The following GRID2 variants were observed in gnomAD, a reference collection of about 807,000 sequenced individuals.
GRID2 encodes glutamate ionotropic receptor delta type subunit 2.
A neutral mutation model predicts 114.8 loss-of-function variants in GRID2; 33 were observed. That is an observed-to-expected ratio of 0.29 (90% CI 0.22 to 0.38). The LOEUF is 0.38. Ranked by LOEUF, GRID2 falls within the 10% of genes least tolerant of loss-of-function variation. GRID2 has a pLI of 1.00. For missense variants in GRID2, 1,184 were observed against 1,257.7 expected (o/e 0.94, Z 0.89); for synonymous variants, 505 against 449.9 (o/e 1.12, Z -1.55).
At chr4:93,296,819 A>G (rs1028039930) in intron 8 of GRID2, among the ~76,000 whole-genome samples, 5 of 152,328 alleles carry the variant, frequency 3.3e-5, no homozygotes, top group African/African-American at 1.2e-4. Context: ...TTTGTCTACA[A>G]GGGTAAGTCG....
At chr4:92,581,898 C>T (rs1046325691) in intron 1 of GRID2, among the ~76,000 whole-genome samples, 1 of 152,022 alleles carries the variant, frequency 6.6e-6, no homozygotes, top group African/African-American at 2.4e-5. Flanking sequence ...TCCACTCATA[C>T]CTTTCTACAC....
At chr4:93,006,133 A>G (rs1721497922) in intron 2 of GRID2, among the ~76,000 whole-genome samples, 1 of 152,058 alleles carries the variant, frequency 6.6e-6, no homozygotes, top group South Asian at 2.1e-4. Flanking sequence ...CATCTCTAAA[A>G]ACCATGTAGA....
intron 14 of GRID2, among the ~76,000 whole-genome samples, chr4:93,720,339 A>C (rs182011288): frequency 6.6e-6 from 1 of 152,298 alleles, no homozygotes; most frequent in Admixed American, 6.5e-5. Context: ...TGGTCCAGAA[A>C]CCTTATATTA....
At chr4:93,705,690 C>A (rs564084427) in intron 14 of GRID2, among the ~76,000 whole-genome samples, 1 of 152,202 alleles carries the variant, frequency 6.6e-6, no homozygotes, top group Non-Finnish European at 1.5e-5. Context: ...TAACTTGATG[C>A]AATCCCTTTT....
At chr4:93,070,143 TAA>T (rs923080240) in intron 2 of GRID2, among the ~76,000 whole-genome samples, 31 of 152,156 alleles carry the variant, frequency 2.0e-4, no homozygotes, top group African/African-American at 7.0e-4. Context: ...ATACTACTTA[TAA>T]AAACATATCA....
chr4:92,898,435 A>T (rs1166194679), intron 2 of GRID2, among the ~76,000 whole-genome samples: 1 of 152,178 alleles, frequency 6.6e-6, no homozygotes, highest in Non-Finnish European at 1.5e-5. Flanking sequence ...TCTAATGGTA[A>T]TAGAAGATAT....
At chr4:93,138,181 C>T (rs1190091307) in intron 4 of GRID2, among the ~76,000 whole-genome samples, 1 of 151,630 alleles carries the variant, frequency 6.6e-6, no homozygotes, top group Non-Finnish European at 1.5e-5. Context: ...TACCATGTTG[C>T]CCAGGCTGGT....
exon 2 of GRID2, chr4:93,806,992 C>T (rs1366473352): frequency 6.6e-6 from 1 of 152,248 alleles, no homozygotes; most frequent in Admixed American, 6.5e-5. Context: ...AAACTCCTAT[C>T]CAGTTCAAGG....
chr4:92,973,253 G>A (rs185881296), intron 2 of GRID2, among the ~76,000 whole-genome samples: 1 of 152,184 alleles, frequency 6.6e-6, no homozygotes, highest in African/African-American at 2.4e-5. Context: ...CTTGGAAAGA[G>A]GGAGACACTC....
chr4:92,699,701 CTAAG>C (rs1560539570), intron 2 of GRID2, among the ~76,000 whole-genome samples: 1 of 152,114 alleles, frequency 6.6e-6, no homozygotes, highest in Non-Finnish European at 1.5e-5. Flanking sequence ...GCATGCATGG[CTAAG>C]AAACCTCTAC....
chr4:92,718,349 T>G (rs943141446), intron 2 of GRID2, among the ~76,000 whole-genome samples: 1 of 152,122 alleles, frequency 6.6e-6, no homozygotes, highest in Non-Finnish European at 1.5e-5. Flanking sequence ...GTTTTGCCAG[T>G]AAAAGGGTAA....
At chr4:93,698,176 CA>C (rs1727210295) in intron 14 of GRID2, among the ~76,000 whole-genome samples, 1 of 151,878 alleles carries the variant, frequency 6.6e-6, no homozygotes, top group South Asian at 2.1e-4. Context: ...TCTCCTCCTT[CA>C]AAAAATTATA....
At chr4:93,651,963 A>G (rs1283477047) in intron 14 of GRID2, among the ~76,000 whole-genome samples, 1 of 152,142 alleles carries the variant, frequency 6.6e-6, no homozygotes, top group South Asian at 2.1e-4. Context: ...ACAGGGAAGC[A>G]GTGTAGACCT....
At chr4:92,517,304 C>A (rs1049442686) in intron 1 of GRID2, among the ~76,000 whole-genome samples, 1 of 151,730 alleles carries the variant, frequency 6.6e-6, no homozygotes, top group Non-Finnish European at 1.5e-5. Context: ...TGTTCATTTG[C>A]TTTATTTATT....
chr4:93,271,724 C>A (rs1375292979), intron 8 of GRID2, among the ~76,000 whole-genome samples: 1 of 151,816 alleles, frequency 6.6e-6, no homozygotes, highest in Non-Finnish European at 1.5e-5. Context: ...AAAAATTAAC[C>A]CAGCAGAAAA....
chr4:93,207,477 A>G lies in GRID2; in HGVS notation c.789+20A>G. 4 of 1,484,520 alleles carry G rather than the reference A, an allele frequency of 2.7e-6. No homozygotes were observed. The highest frequency in any genetic ancestry group is 3.8e-6 in the Non-Finnish European group (4 of 1,065,312). 92.0% of individuals were successfully genotyped at this position (1,484,520 alleles called of 1,614,324 possible). The stretch of plus-strand genomic sequence containing the variant: ...AATGAGGTAAAGCCAACTAAACCTT[A>G]TTGTTAACTCTGTGTCCTTTTTTCA... On this transcript the variant is annotated intron_variant, in intron 5 of 15. Transcript: ENST00000282020.
intron 2 of GRID2, among the ~76,000 whole-genome samples, chr4:92,923,274 A>C (rs1367234030): frequency 6.6e-6 from 1 of 152,160 alleles, no homozygotes; most frequent in African/African-American, 2.4e-5. Context: ...TTTGTTAGTG[A>C]AGAACTAACA....
At chr4:92,884,778 A>T (rs1219267593) in intron 2 of GRID2, 1 of 312,058 alleles carries the variant, frequency 3.2e-6, no homozygotes, top group East Asian at 9.0e-5. Flanking sequence ...AGCTCTTCTC[A>T]ATTAATAATA....
chr4:92,910,573 G>A (rs1039987349), intron 2 of GRID2, among the ~76,000 whole-genome samples: 4 of 152,164 alleles, frequency 2.6e-5, no homozygotes, highest in African/African-American at 9.7e-5. Context: ...GCTTTGTCAA[G>A]GGAGGAGAAG....
Sources: gnomAD v4.1 joint callset for allele counts (sites outside exome capture counted in the v4.1 genomes callset) on GRCh38, gnomAD v4.1.1 for gene constraint, MANE v1.5 for transcripts, NCBI Gene and HGNC (gene_info 2026-07-23, HGNC 2026-07-21) for gene names.